Variants in FBLN7 observed in about 807,000 individuals in gnomAD.
FBLN7 encodes fibulin-7.
A neutral mutation model predicts 44.0 loss-of-function variants in FBLN7; 31 were observed. That is an observed-to-expected ratio of 0.70 (90% confidence interval 0.53 to 0.95). The LOEUF is 0.95. FBLN7 is among the 40% of genes least tolerant of loss of function. The pLI is 0.00. For missense variants in FBLN7, 573 were observed against 618.5 expected, an observed-to-expected ratio of 0.93 and a Z score of 0.78; for synonymous variants, 262 against 253.4, an observed-to-expected ratio of 1.03 and a Z score of -0.32.
At chr2:112,227,418 G>A in the FBLN7 span, among the ~76,000 whole-genome samples, 1 of 152,198 alleles carries the variant, frequency 6.6e-6, no homozygotes, top group African/African-American at 2.4e-5. Context: ...CCAGGTACTC[G>A]GGAGGCTGAG....
At chr2:112,141,108 C>T (rs1358098068) in intron 1 of FBLN7, among the ~76,000 whole-genome samples, 3 of 152,204 alleles carry the variant, frequency 2.0e-5, no homozygotes, top group Non-Finnish European at 4.4e-5. Context: ...TGCACAATAC[C>T]AACAGCGGTG....
the FBLN7 span, among the ~76,000 whole-genome samples, chr2:112,194,957 A>C: frequency 6.6e-6 from 1 of 152,234 alleles, no homozygotes; most frequent in East Asian, 1.9e-4. Context: ...GTGGTGCTGC[A>C]GGTTCACCAA....
At chr2:112,237,071 G>GA in the FBLN7 span, among the ~76,000 whole-genome samples, 1 of 151,978 alleles carries the variant, frequency 6.6e-6, no homozygotes, top group African/African-American at 2.4e-5. Context: ...AAAACAAATG[G>GA]AAAAAAGAAG....
At chr2:112,150,100 T>C (rs1681085078) in intron 1 of FBLN7, among the ~76,000 whole-genome samples, 1 of 152,226 alleles carries the variant, frequency 6.6e-6, no homozygotes, top group African/African-American at 2.4e-5. Flanking sequence ...GCCATCTGGT[T>C]GGCCACTATC....
chr2:112,233,176 A>T, the FBLN7 span: 1 of 841,552 alleles, frequency 1.2e-6, no homozygotes, highest in Non-Finnish European at 1.8e-6. Flanking sequence ...TATACCTAAA[A>T]CACTGGTTTC....
At chr2:112,198,262 T>C in the FBLN7 span, among the ~76,000 whole-genome samples, 1 of 152,214 alleles carries the variant, frequency 6.6e-6, no homozygotes, top group Non-Finnish European at 1.5e-5. Context: ...TCCAAGGTGA[T>C]GGTGTTACCA....
At chr2:112,229,425 T>C in the FBLN7 span, among the ~76,000 whole-genome samples, 1 of 152,206 alleles carries the variant, frequency 6.6e-6, no homozygotes, top group Non-Finnish European at 1.5e-5. Context: ...ACAGTTTCCT[T>C]CTCCTTGACT....
At chr2:112,243,664 T>C in the FBLN7 span, among the ~76,000 whole-genome samples, 1 of 152,192 alleles carries the variant, frequency 6.6e-6, no homozygotes, top group East Asian at 1.9e-4. Context: ...AAGGCTGTGT[T>C]GTGGAAACTT....
the FBLN7 span, among the ~76,000 whole-genome samples, chr2:112,193,312 A>G: frequency 6.6e-6 from 1 of 152,148 alleles, no homozygotes; most frequent in Non-Finnish European, 1.5e-5. Flanking sequence ...GTGGTGGCAC[A>G]TGCCTGTAAT....
At chr2:112,183,456 C>T (rs1001379554) in intron 6 of FBLN7, among the ~76,000 whole-genome samples, 11 of 152,128 alleles carry the variant, frequency 7.2e-5, no homozygotes, top group Non-Finnish European at 1.6e-4. Flanking sequence ...GGACAAGAGT[C>T]GGGGGCATCA....
intron 3 of FBLN7, among the ~76,000 whole-genome samples, chr2:112,171,964 G>A (rs1682487606): frequency 6.6e-6 from 1 of 152,132 alleles, no homozygotes; most frequent in Non-Finnish European, 1.5e-5. Context: ...AGCCAGGATG[G>A]TCTCGATCTC....
At chr2:112,186,661 T>C (rs1683283354) in intron 7 of FBLN7, among the ~76,000 whole-genome samples, 1 of 151,986 alleles carries the variant, frequency 6.6e-6, no homozygotes, top group African/African-American at 2.4e-5. Context: ...ATAAAATACA[T>C]GCTGCTGTGT....
At chr2:112,203,364 T>A in the FBLN7 span, among the ~76,000 whole-genome samples, 2 of 152,196 alleles carry the variant, frequency 1.3e-5, no homozygotes, top group African/African-American at 4.8e-5. Flanking sequence ...AATCAAGGGC[T>A]GTCTATTAAG....
In FBLN7 at chr2:112,159,694, C is replaced by T. The variant is rs1341926668; in HGVS notation, c.94C>T (p.Gln32Ter). ...TCCGCAGAACTGTCTCAGCAAACAG[C>T]AGCTCCTCTCGGCCATCCGCCAGCT... ...RASQNCLSKQ[Q>*]LLSAIRQLQQ... Residue 32 changes from glutamine (Q) to a stop codon, truncating the protein, a stop_gained, in exon 2 of 8, where the codon CAG becomes TAG. Coordinates refer to ENST00000331203, the MANE Select transcript of FBLN7 (RefSeq NM_153214.3). LOFTEE classifies it high-confidence loss of function. 3.2e-6 allele frequency: 5 copies of T among 1,567,108 alleles called. No individual in the cohort carries two copies. The highest frequency in any genetic ancestry group is 4.3e-6 in the Non-Finnish European group (5 of 1,154,736).
the FBLN7 span, among the ~76,000 whole-genome samples, chr2:112,237,399 A>T: frequency 1.3e-5 from 2 of 152,160 alleles, no homozygotes; most frequent in African/African-American, 2.4e-5. Context: ...CAGATTTTTC[A>T]CTGAAAACAT....
At chr2:112,212,926 T>C in the FBLN7 span, 1 of 150,066 alleles carries the variant, frequency 6.7e-6, no homozygotes, top group Admixed American at 6.7e-5. Flanking sequence ...CCAAATCACC[T>C]AGTATTTTGA....
At chr2:112,147,918 G>T (rs908486634) in intron 1 of FBLN7, among the ~76,000 whole-genome samples, 4 of 152,146 alleles carry the variant, frequency 2.6e-5, no homozygotes, top group African/African-American at 9.7e-5. Context: ...AAAAAGAGTG[G>T]TGGCTGAATC....
chr2:112,226,098 C>G, the FBLN7 span, among the ~76,000 whole-genome samples: 3 of 151,064 alleles, frequency 2.0e-5, no homozygotes, highest in Non-Finnish European at 4.4e-5. Flanking sequence ...AAAAGAAAAT[C>G]TTTTTATGAT....
intron 2 of FBLN7, among the ~76,000 whole-genome samples, chr2:112,161,855 C>A (rs1182893518): frequency 6.6e-6 from 1 of 152,174 alleles, no homozygotes; most frequent in Non-Finnish European, 1.5e-5. Context: ...GTGTGGGGGA[C>A]CCCGTGCTGG....
Sources: gnomAD v4.1 joint callset for allele counts (sites outside exome capture counted in the v4.1 genomes callset) on GRCh38, gnomAD v4.1.1 for gene constraint, MANE v1.5 for transcripts, NCBI Gene and HGNC (gene_info 2026-07-23, HGNC 2026-07-21) for gene names.